Variants in THADA observed in about 807,000 individuals in gnomAD.
THADA encodes tRNA (32-2'-O)-methyltransferase regulator THADA.
Under a neutral mutation model 219.8 loss-of-function variants are expected in THADA, and 213 were observed. That is an observed-to-expected ratio of 0.97 (90% confidence interval 0.87 to 1.09). The LOEUF (loss-of-function observed/expected upper bound fraction) is 1.09. THADA is among the 50% of genes least tolerant of loss of function. The probability of loss-of-function intolerance (pLI) is 0.00; values close to 1 mark genes in which losing one functional copy is unlikely to be tolerated. For synonymous variants in THADA, 1,018 were observed against 828.9 expected (o/e 1.23, Z -3.92); for missense variants, 2,956 against 2,311.3 (o/e 1.28, Z -5.72).
At chr2:43,256,179 T>C (rs910540719) in intron 36 of THADA, among the ~76,000 whole-genome samples, 3 of 152,170 alleles carry the variant, frequency 2.0e-5, no homozygotes, top group African/African-American at 7.2e-5. Context: ...TAAGGTCCTC[T>C]TAACTTGGTG....
chr2:43,427,281 C>A (rs1678577876), intron 28 of THADA, among the ~76,000 whole-genome samples: 2 of 152,134 alleles, frequency 1.3e-5, no homozygotes, highest in South Asian at 2.1e-4. Context: ...GCTAGCCAGG[C>A]TCAACACAGG....
intron 35 of THADA, among the ~76,000 whole-genome samples, chr2:43,284,656 C>T (rs980729976): frequency 2.6e-5 from 4 of 152,188 alleles, no homozygotes; most frequent in African/African-American, 7.2e-5. Context: ...CACAGAGTTC[C>T]CACTGGGGCA....
At chr2:43,252,965 GTC>G (rs1431691721) in intron 36 of THADA, among the ~76,000 whole-genome samples, 1 of 152,128 alleles carries the variant, frequency 6.6e-6, no homozygotes, top group Non-Finnish European at 1.5e-5. Flanking sequence ...TCTTTTCCCT[GTC>G]TCTACATCTT....
At chr2:43,292,271 A>T in intron 32 of THADA, 49 bp from the exon 33 acceptor site, 1 of 1,119,124 alleles carries the variant, frequency 8.9e-7, no homozygotes, top group Non-Finnish European at 1.3e-6. Context: ...ATACTCAGGG[A>T]GATGTCTCTA....
chr2:43,312,044 A>C (rs907115366), intron 31 of THADA, among the ~76,000 whole-genome samples: 19 of 152,050 alleles, frequency 1.2e-4, no homozygotes, highest in African/African-American at 4.3e-4. Context: ...CAAAATAAAA[A>C]ATTAAAAACA....
intron 10 of THADA, among the ~76,000 whole-genome samples, chr2:43,575,394 GCTGTGCT>G (rs1699750002): frequency 6.6e-6 from 1 of 152,180 alleles, no homozygotes; most frequent in Non-Finnish European, 1.5e-5. Flanking sequence ...ACTGCAATGA[GCTGTGCT>G]CATGCCACTA....
intron 29 of THADA, among the ~76,000 whole-genome samples, chr2:43,385,481 C>A (rs1429709563): frequency 5.9e-5 from 9 of 151,966 alleles, no homozygotes; most frequent in Non-Finnish European, 1.3e-4. Context: ...GTGGCGGATG[C>A]CTGCAGTCCC....
At chr2:43,252,177 T>C (rs1669876161) in intron 36 of THADA, among the ~76,000 whole-genome samples, 1 of 152,200 alleles carries the variant, frequency 6.6e-6, no homozygotes, top group Admixed American at 6.6e-5. Context: ...TCCATAAAGA[T>C]GTCCCTCCCA....
chr2:43,462,386 T>C (rs906933965), intron 26 of THADA, among the ~76,000 whole-genome samples: 5 of 152,118 alleles, frequency 3.3e-5, no homozygotes, highest in African/African-American at 7.2e-5. Flanking sequence ...TTCTAGTGCC[T>C]GAAAATCTCT....
At chr2:43,532,557 C>T (rs935607871) in intron 21 of THADA, among the ~76,000 whole-genome samples, 1 of 152,082 alleles carries the variant, frequency 6.6e-6, no homozygotes, top group Non-Finnish European at 1.5e-5. Flanking sequence ...AATACCCCTT[C>T]ATGCTAAAAA....
At chr2:43,384,574 C>T (rs1483695637) in intron 29 of THADA, among the ~76,000 whole-genome samples, 2 of 152,180 alleles carry the variant, frequency 1.3e-5, no homozygotes, top group African/African-American at 4.8e-5. Context: ...AAATTACTGC[C>T]TTGTATCTCT....
Position 43,257,848 on chromosome 2 carries a change from A to G in THADA, c.5296+21917T>C, listed in dbSNP as rs191569129. Among the ~76,000 whole-genome samples, 245 of 152,312 alleles carry G rather than the reference A, an allele frequency of 1.6e-3. 1 individual carries two copies. The highest frequency in any genetic ancestry group is 5.6e-3 in the African/African-American group (232 of 41,570). ...TCAGTGAGAGCAAAATGAGGAAAAA[A>G]GAGGAGAGGTGAGGGTAGGGGAAAG... On this transcript the variant is annotated intron_variant, in intron 36 of 37. Transcript: ENST00000405975.
At position 43,577,294 on chromosome 2, in the gene THADA, A is replaced by G; in HGVS notation, c.817-52T>C. On this transcript the variant is annotated intron_variant, in intron 9 of 37. Coordinates refer to ENST00000405975, the MANE Select transcript of THADA (RefSeq NM_022065.5). Reference sequence around the variant, plus strand: ...ACATAAAGCTTTTAAAACTTTTCAGAGATATTTCAAAATACAAACCCAAAC... The same window carrying G: ...ACATAAAGCTTTTAAAACTTTTCAGGGATATTTCAAAATACAAACCCAAAC... 3 of 1,409,412 alleles carry G rather than the reference A, an allele frequency of 2.1e-6. No individual in the cohort carries two copies. In the South Asian group the frequency reaches 3.9e-5, roughly 19 times the overall value. The allele number at this position is 1,409,412 out of a possible 1,614,324, so 87.3% of individuals were successfully genotyped here.
intron 29 of THADA, among the ~76,000 whole-genome samples, chr2:43,361,860 C>G (rs923910754): frequency 1.3e-5 from 2 of 152,158 alleles, no homozygotes; most frequent in African/African-American, 4.8e-5. Context: ...TTGTACCACT[C>G]AGTGTCTTAG....
chr2:43,548,527 C>G (rs753770360), intron 20 of THADA, among the ~76,000 whole-genome samples: 32 of 152,194 alleles, frequency 2.1e-4, no homozygotes, highest in Non-Finnish European at 4.4e-4. Flanking sequence ...CCACCCAGTT[C>G]GAGCTTCCTG....
At chr2:43,288,397 G>A (rs1163599597) in intron 34 of THADA, among the ~76,000 whole-genome samples, 11 of 152,234 alleles carry the variant, frequency 7.2e-5, no homozygotes, top group Non-Finnish European at 1.6e-4. Flanking sequence ...CAGCCTGGGA[G>A]ACAGAATGAG....
At chr2:43,271,463 T>C (rs1346350129) in intron 36 of THADA, among the ~76,000 whole-genome samples, 1 of 152,178 alleles carries the variant, frequency 6.6e-6, no homozygotes, top group Non-Finnish European at 1.5e-5. Context: ...CTAAGCTTCT[T>C]ACTGGGTTTA....
At chr2:43,520,189 A>C (rs1692230441) in intron 22 of THADA, among the ~76,000 whole-genome samples, 1 of 152,172 alleles carries the variant, frequency 6.6e-6, no homozygotes, top group African/African-American at 2.4e-5. Flanking sequence ...GAATTCCAAA[A>C]TCCTGCTTTT....
At chr2:43,369,970 G>C (rs1375197365) in intron 29 of THADA, 3 of 152,210 alleles carry the variant, frequency 2.0e-5, no homozygotes, top group Non-Finnish European at 4.4e-5. Flanking sequence ...CATGCTGTAA[G>C]ATCCCAGTGA....
Sources: allele counts gnomAD v4.1 joint callset (sites outside exome capture counted in the v4.1 genomes callset), GRCh38; gene constraint gnomAD v4.1.1; transcripts MANE v1.5; gene names NCBI Gene and HGNC (gene_info 2026-07-23, HGNC 2026-07-21).